NME7: variants seen among roughly 807,000 people sequenced by gnomAD.
The protein encoded by NME7 is nucleoside diphosphate kinase 7.
A neutral mutation model predicts 49.1 loss-of-function variants in NME7; 41 were observed. That is an observed-to-expected ratio of 0.83 (90% CI 0.65 to 1.08). The LOEUF is 1.08. Ranked by LOEUF, NME7 falls within the 50% of genes least tolerant of loss-of-function variation. The pLI, the probability that NME7 is intolerant of heterozygous loss-of-function variation, is 0.00. For synonymous variants in NME7, 139 were observed against 150.6 expected (o/e 0.92, Z 0.56); for missense variants, 423 against 463.4 (o/e 0.91, Z 0.80).
chr1:169,176,381 C>T (rs1444186121), intron 10 of NME7, among the ~76,000 whole-genome samples: 1 of 152,076 alleles, frequency 6.6e-6, no homozygotes, highest in African/African-American at 2.4e-5. Flanking sequence ...AGTAAATACA[C>T]TTATTGGCAC....
chr1:169,279,693 A>C (rs1027986514), intron 7 of NME7, among the ~76,000 whole-genome samples: 1 of 152,172 alleles, frequency 6.6e-6, no homozygotes, highest in African/African-American at 2.4e-5. Flanking sequence ...CGCTGCACCC[A>C]CTGTCCTGCG....
chr1:169,258,505 T>G (rs1401225438), intron 7 of NME7, among the ~76,000 whole-genome samples: 1 of 126,720 alleles, frequency 7.9e-6, no homozygotes, highest in East Asian at 2.0e-4. Flanking sequence ...CGTTGATTTT[T>G]ACTTATTCTA....
chr1:169,320,214 A>G (rs545344566), intron 3 of NME7, among the ~76,000 whole-genome samples: 3 of 152,346 alleles, frequency 2.0e-5, no homozygotes, highest in East Asian at 3.9e-4. Context: ...TTAAAATCAA[A>G]GACTGACTCA....
intron 1 of NME7, among the ~76,000 whole-genome samples, chr1:169,336,637 G>C (rs1259660455): frequency 6.6e-6 from 1 of 151,270 alleles, no homozygotes; most frequent in Non-Finnish European, 1.5e-5. Context: ...CAAACCTTGA[G>C]CTAGATACAG....
intron 11 of NME7, among the ~76,000 whole-genome samples, chr1:169,142,537 T>A (rs1301881181): frequency 6.6e-6 from 1 of 152,190 alleles, no homozygotes; most frequent in Admixed American, 6.5e-5. Context: ...TTGATAATTA[T>A]AATAATTCAT....
At chr1:169,306,232 A>T (rs1298939138) in intron 4 of NME7, among the ~76,000 whole-genome samples, 2 of 152,140 alleles carry the variant, frequency 1.3e-5, no homozygotes, top group African/African-American at 2.4e-5. Flanking sequence ...TGTCTGCTTG[A>T]CCATATTTTC....
chr1:169,234,975 A>C (rs1272119161), intron 9 of NME7, among the ~76,000 whole-genome samples, 156 bp downstream of exon 9: 1 of 152,132 alleles, frequency 6.6e-6, no homozygotes, highest in Admixed American at 6.6e-5. Context: ...GTCAGATAAC[A>C]ACCTAGGTCG....
chr1:169,245,431 G>T (rs1042359448), intron 7 of NME7, among the ~76,000 whole-genome samples: 3 of 152,106 alleles, frequency 2.0e-5, no homozygotes, highest in African/African-American at 7.2e-5. Context: ...TCACCTGTAT[G>T]CTTTGCTTCA....
At chr1:169,272,450 G>A (rs1433833355) in intron 7 of NME7, among the ~76,000 whole-genome samples, 2 of 41,728 alleles carry the variant, frequency 4.8e-5, no homozygotes, top group East Asian at 4.3e-4. Flanking sequence ...CCCTCCCCCC[G>A]CCCCCCATGA....
intron 4 of NME7, among the ~76,000 whole-genome samples, chr1:169,309,308 T>G (rs1385398719): frequency 6.6e-6 from 1 of 152,200 alleles, no homozygotes; most frequent in Non-Finnish European, 1.5e-5. Flanking sequence ...ACAGGACTTC[T>G]GCAATAAAAG....
intron 3 of NME7, among the ~76,000 whole-genome samples, chr1:169,311,461 G>A (rs192729446): frequency 0.011 from 1,645 of 150,002 alleles, 35 homozygotes; most frequent in African/African-American, 0.039. Flanking sequence ...TACTTAAATT[G>A]GATATAGCTT....
At chr1:169,234,723 G>T (rs1647786979) in intron 9 of NME7, among the ~76,000 whole-genome samples, 1 of 152,040 alleles carries the variant, frequency 6.6e-6, no homozygotes, top group Admixed American at 6.5e-5. Context: ...CTCTACAGAG[G>T]GGGAAGAAAA....
intron 10 of NME7, among the ~76,000 whole-genome samples, chr1:169,207,305 G>C (rs1054740612): frequency 2.6e-5 from 4 of 152,120 alleles, no homozygotes; most frequent in African/African-American, 9.7e-5. Context: ...ATTCATGAGG[G>C]ATCTGCCCCC....
chr1:169,195,978 T>C (rs536752482), intron 10 of NME7, among the ~76,000 whole-genome samples: 2 of 152,306 alleles, frequency 1.3e-5, no homozygotes, highest in East Asian at 3.9e-4. Context: ...CTGTTACAAC[T>C]ATAAATGTGG....
At chr1:169,344,628 ATG>A (rs1180784651) in intron 1 of NME7, among the ~76,000 whole-genome samples, 1 of 150,814 alleles carries the variant, frequency 6.6e-6, no homozygotes, top group African/African-American at 2.4e-5. Context: ...AACGATAATT[ATG>A]TGTGTTTTAT....
At chr1:169,352,777 G>GA (rs992070560) in intron 1 of NME7, among the ~76,000 whole-genome samples, 1 of 151,288 alleles carries the variant, frequency 6.6e-6, no homozygotes, top group South Asian at 2.1e-4. Context: ...TGAACAATCT[G>GA]AAAAAAAATT....
chr1:169,158,722 GCA>G lies in NME7; in HGVS notation c.1098+10723_1098+10724del, dbSNP rs561188002. ...AGAAGCACCTGGAGGGCTTGTTAAA[GCA>G]CAGATTCCTGGGTCAAATCCCCGAG... On this transcript the variant is annotated intron_variant, in intron 11 of 11. Coordinates refer to ENST00000367811, the MANE Select transcript of NME7 (RefSeq NM_013330.5). Among the ~76,000 whole-genome samples the G allele has an allele frequency of 3.9e-5, 6 of 152,262 alleles. No homozygotes were observed. In the South Asian group the frequency reaches 1.2e-3, roughly 32 times the overall value.
At chr1:169,356,676 G>T (rs1321591810) in intron 1 of NME7, among the ~76,000 whole-genome samples, 2 of 152,078 alleles carry the variant, frequency 1.3e-5, no homozygotes, top group African/African-American at 4.8e-5. Context: ...GAACAAAAAT[G>T]TTTAAAAGAA....
Position 169,141,754 on chromosome 1 carries a change from C to CT in NME7, c.1099-8938dup, listed in dbSNP as rs550636234. On this transcript the variant is annotated intron_variant, in intron 11 of 11. Coordinates refer to ENST00000367811, the MANE Select transcript of NME7 (RefSeq NM_013330.5). ...AAAAATTTTTTAGAAGATGGAATGC[C>CT]TTTTTTTTTATAAGGACAGATGAGA... Among the ~76,000 whole-genome samples the CT allele has an allele frequency of 6.4e-3, 963 of 151,268 alleles. 10 individuals are homozygous for CT. Among genetic ancestry groups the CT allele is most frequent in the African/African-American group, 0.022 (897 of 41,236 alleles).
Sources: gnomAD v4.1 joint callset for allele counts (sites outside exome capture counted in the v4.1 genomes callset) on GRCh38, gnomAD v4.1.1 for gene constraint, MANE v1.5 for transcripts, NCBI Gene and HGNC (gene_info 2026-07-23, HGNC 2026-07-21) for gene names.